ABCA12: variants seen among roughly 807,000 people sequenced by gnomAD.
ABCA12 encodes the protein glucosylceramide transporter ABCA12.
A neutral mutation model predicts 293.5 loss-of-function variants in ABCA12; 156 were observed. That is an observed-to-expected ratio of 0.53 (90% confidence interval 0.47 to 0.61). ABCA12 has a LOEUF of 0.61. Ranked by LOEUF, ABCA12 falls within the 20% of genes least tolerant of loss-of-function variation. The pLI is 0.00. For missense variants in ABCA12, 2,797 were observed against 3,090.2 expected (o/e 0.91, Z 2.25); for synonymous variants, 1,063 against 1,108.0 (o/e 0.96, Z 0.81).
chr2:215,086,069 C>G (rs1702031813), intron 2 of ABCA12, among the ~76,000 whole-genome samples: 1 of 152,194 alleles, frequency 6.6e-6, no homozygotes, highest in Non-Finnish European at 1.5e-5. Context: ...ATCAGTCATT[C>G]TGGCTAGCAT....
At chr2:215,090,475 A>C (rs1275631044) in intron 2 of ABCA12, among the ~76,000 whole-genome samples, 1 of 152,064 alleles carries the variant, frequency 6.6e-6, no homozygotes, top group African/African-American at 2.4e-5. Flanking sequence ...TCTCTTCTCT[A>C]ACCTCTCTTG....
chr2:214,938,549 C>T (rs963583961), intron 50 of ABCA12, among the ~76,000 whole-genome samples: 38 of 152,154 alleles, frequency 2.5e-4, no homozygotes, highest in African/African-American at 9.2e-4. Context: ...CACTGTCTTC[C>T]ACGATGGTTG....
At position 215,123,659 on chromosome 2, in the gene ABCA12, C is replaced by T. The variant is rs542827100; in HGVS notation, c.70-11969G>A. 2.4e-4 allele frequency among the ~76,000 whole-genome samples: 37 copies of T among 152,280 alleles called. No individual in the cohort carries two copies. In the South Asian group the frequency reaches 7.3e-3, roughly 30 times the overall value. ...TCTTGAGATATTTCCATACTGTTTT[C>T]CATAGTCTGAACTAATTTACATTCT... is the stretch of plus-strand genomic sequence containing the variant. On this transcript the variant is annotated intron_variant, in intron 1 of 52. Coordinates refer to ENST00000272895, the MANE Select transcript of ABCA12 (RefSeq NM_173076.3).
At chr2:215,032,086 T>C in intron 8 of ABCA12, 190 bp from the exon 9 acceptor site, 1 of 1,453,766 alleles carries the variant, frequency 6.9e-7, no homozygotes. Flanking sequence ...TTATAGGAAA[T>C]AGATGCCTAC....
At chr2:215,027,253 A>G (rs6435869) in intron 9 of ABCA12, among the ~76,000 whole-genome samples, 151,700 of 152,206 alleles carry the variant, frequency 1, 75,601 homozygotes, top group East Asian at 1. Flanking sequence ...GGCTGAGGCA[A>G]GAGAATGGTG....
At chr2:215,067,608 T>C (rs767550395) in intron 2 of ABCA12, among the ~76,000 whole-genome samples, 130 of 152,114 alleles carry the variant, frequency 8.5e-4, no homozygotes, top group Non-Finnish European at 1.4e-3. Flanking sequence ...ATTCAGAAGA[T>C]GTCAGCATCA....
intron 2 of ABCA12, among the ~76,000 whole-genome samples, chr2:215,064,707 A>ACG (rs1701606935): frequency 6.8e-6 from 1 of 147,688 alleles, no homozygotes; most frequent in East Asian, 2.0e-4. Context: ...ACACACACAC[A>ACG]CACACACACA....
intron 41 of ABCA12, 56 bp downstream of exon 41, chr2:214,958,221 G>A (rs1370574508): frequency 6.3e-7 from 1 of 1,599,624 alleles, no homozygotes; most frequent in Non-Finnish European, 8.6e-7. Flanking sequence ...GAAAACTGAT[G>A]TCTTCTATCC....
chr2:215,005,387 C>T (rs1246749422), intron 19 of ABCA12, among the ~76,000 whole-genome samples: 3 of 152,142 alleles, frequency 2.0e-5, no homozygotes, highest in Non-Finnish European at 2.9e-5. Context: ...GTCCTTCTTA[C>T]CAGTGTCTTT....
intron 36 of ABCA12, among the ~76,000 whole-genome samples, chr2:214,971,503 C>T (rs1699384488): frequency 1.3e-5 from 2 of 152,164 alleles, no homozygotes; most frequent in African/African-American, 4.8e-5. Context: ...CCTCATCACA[C>T]TCCCTTCAAA....
At chr2:215,058,486 C>G (rs1285304768) in intron 3 of ABCA12, among the ~76,000 whole-genome samples, 1 of 151,992 alleles carries the variant, frequency 6.6e-6, no homozygotes, top group Non-Finnish European at 1.5e-5. Context: ...TAAATAGCTC[C>G]AAGGAAGTCT....
intron 1 of ABCA12, among the ~76,000 whole-genome samples, chr2:215,115,817 C>A (rs748155722): frequency 3.9e-5 from 6 of 152,192 alleles, no homozygotes; most frequent in Admixed American, 6.5e-5. Flanking sequence ...TGAGGAGCCA[C>A]AGCTACCCAG....
At chr2:214,958,953 A>T (rs1699034555) in intron 40 of ABCA12, 71 bp downstream of exon 40, 1 of 1,418,326 alleles carries the variant, frequency 7.1e-7, no homozygotes, top group Non-Finnish European at 1.0e-6. Context: ...TGTGATTTCC[A>T]ATTACAGCAC....
intron 2 of ABCA12, among the ~76,000 whole-genome samples, chr2:215,103,399 G>A (rs79214698): frequency 0.014 from 2,052 of 150,644 alleles, 42 homozygotes; most frequent in African/African-American, 0.044. Context: ...CTACCAAGTA[G>A]CTGGGATTAC....
At chr2:215,107,234 T>C (rs1002173379) in intron 2 of ABCA12, among the ~76,000 whole-genome samples, 2 of 152,182 alleles carry the variant, frequency 1.3e-5, no homozygotes, top group Non-Finnish European at 2.9e-5. Context: ...TATGTGTGTA[T>C]TAAAGGGAGA....
rs1574977423 is a variant in ABCA12, at chr2:215,006,177, A to T, written c.2592+1550T>A. On this transcript the variant is annotated intron_variant, in intron 19 of 52. Coordinates refer to ENST00000272895, the MANE Select transcript of ABCA12 (RefSeq NM_173076.3). ...TTTGAAACTATTATGTATAGAACACATCCTGTTAATTCACCACTTTAGCTA... is the reference window on the plus strand; with the variant it reads ...TTTGAAACTATTATGTATAGAACACTTCCTGTTAATTCACCACTTTAGCTA... Among the ~76,000 whole-genome samples the T allele has an allele frequency of 2.6e-5, 4 of 152,356 alleles. 1 individual carries two copies. In the South Asian group the frequency reaches 8.3e-4, roughly 32 times the overall value.
At chr2:215,084,589 T>C (rs1009217167) in intron 2 of ABCA12, among the ~76,000 whole-genome samples, 3 of 152,144 alleles carry the variant, frequency 2.0e-5, no homozygotes. Context: ...TGGAGATCCT[T>C]AACCATCAAA....
intron 2 of ABCA12, among the ~76,000 whole-genome samples, chr2:215,076,627 G>T (rs1701839947): frequency 6.6e-6 from 1 of 152,146 alleles, no homozygotes; most frequent in South Asian, 2.1e-4. Flanking sequence ...TTAAAAATGT[G>T]CCTAAGTCTA....
At chr2:214,942,779 A>C in intron 50 of ABCA12, 146 bp downstream of exon 50, 1 of 655,356 alleles carries the variant, frequency 1.5e-6, no homozygotes, top group Non-Finnish European at 2.7e-6. Flanking sequence ...ATTTAAATTT[A>C]AGGTGAGTCA....
Sources: allele counts gnomAD v4.1 joint callset (sites outside exome capture counted in the v4.1 genomes callset), GRCh38; gene constraint gnomAD v4.1.1; transcripts MANE v1.5; gene names NCBI Gene and HGNC (gene_info 2026-07-23, HGNC 2026-07-21).